Variants in PCDH15 observed in about 807,000 individuals in gnomAD.
PCDH15 encodes protocadherin-15.
Under a neutral mutation model 178.5 loss-of-function variants are expected in PCDH15, and 129 were observed. The ratio of observed to expected loss-of-function variants is 0.72; its 90% CI spans 0.63 to 0.84. The LOEUF is 0.84. Among genes scored for constraint, PCDH15 ranks in the 40% least tolerant of loss-of-function variants. The pLI, the probability that PCDH15 is intolerant of heterozygous loss-of-function variation, is 0.00. For synonymous variants in PCDH15, 800 were observed against 732.0 expected (o/e 1.09, Z -1.50); for missense variants, 2,230 against 2,099.9 (o/e 1.06, Z -1.21).
intron 1 of PCDH15, among the ~76,000 whole-genome samples, chr10:55,185,932 C>T (rs183029100): frequency 2.8e-4 from 42 of 151,572 alleles, no homozygotes; most frequent in East Asian, 2.1e-3. Flanking sequence ...GAAATAGTTA[C>T]GCATTTCAAT....
intron 2 of PCDH15, among the ~76,000 whole-genome samples, chr10:54,583,606 T>G (rs2091227800): frequency 6.6e-6 from 1 of 152,032 alleles, no homozygotes; most frequent in Non-Finnish European, 1.5e-5. Flanking sequence ...ACATAGAAAT[T>G]CTAACATACA....
intron 10 of PCDH15, among the ~76,000 whole-genome samples, chr10:54,205,677 G>A (rs1467342183): frequency 6.6e-6 from 1 of 151,880 alleles, no homozygotes; most frequent in Non-Finnish European, 1.5e-5. Flanking sequence ...ATATCCCATT[G>A]ATTCTTGACC....
At chr10:55,250,447 A>T (rs1841804635) in intron 1 of PCDH15, among the ~76,000 whole-genome samples, 1 of 151,300 alleles carries the variant, frequency 6.6e-6, no homozygotes, top group Non-Finnish European at 1.5e-5. Flanking sequence ...GCACCCAATC[A>T]TAATAATATT....
chr10:54,671,299 T>A (rs2094665109), intron 1 of PCDH15, among the ~76,000 whole-genome samples: 1 of 152,114 alleles, frequency 6.6e-6, no homozygotes, highest in Non-Finnish European at 1.5e-5. Flanking sequence ...ATATTATAGA[T>A]TCTAAGAAAC....
At chr10:54,553,399 GTTTTA>G (rs2086829786) in intron 2 of PCDH15, among the ~76,000 whole-genome samples, 2 of 152,168 alleles carry the variant, frequency 1.3e-5, no homozygotes, top group Non-Finnish European at 1.5e-5. Flanking sequence ...CCAAATGTTA[GTTTTA>G]TTTTGTCTAA....
chr10:54,770,767 G>GT (rs1566189017), intron 1 of PCDH15, among the ~76,000 whole-genome samples: 1 of 151,934 alleles, frequency 6.6e-6, no homozygotes, highest in African/African-American at 2.4e-5. Flanking sequence ...ATTAAATGAA[G>GT]TTACTTAATC....
intron 32 of PCDH15, among the ~76,000 whole-genome samples, chr10:53,826,921 T>TA (rs2076718746): frequency 6.6e-6 from 1 of 152,132 alleles, no homozygotes; most frequent in African/African-American, 2.4e-5. Flanking sequence ...ACTACGATTT[T>TA]AAACCAGAGA....
intron 1 of PCDH15, among the ~76,000 whole-genome samples, chr10:54,742,072 C>T (rs948635782): frequency 2.0e-4 from 30 of 152,014 alleles, no homozygotes; most frequent in African/African-American, 7.2e-4. Flanking sequence ...TAACTTTTGT[C>T]AGAATCTATG....
intron 2 of PCDH15, among the ~76,000 whole-genome samples, chr10:55,013,096 T>A (rs1840086067): frequency 6.6e-6 from 1 of 152,130 alleles, no homozygotes; most frequent in Admixed American, 6.6e-5. Flanking sequence ...TCATATTTGA[T>A]AACTTCCACT....
intron 5 of PCDH15, among the ~76,000 whole-genome samples, chr10:54,368,518 C>G (rs543562665): frequency 6.6e-6 from 1 of 152,024 alleles, no homozygotes; most frequent in African/African-American, 2.4e-5. Flanking sequence ...TGGTTCTTCA[C>G]TTATGCACTT....
chr10:55,492,938 A>G (rs1023588598), intron 2 of PCDH15, among the ~76,000 whole-genome samples: 1 of 151,810 alleles, frequency 6.6e-6, no homozygotes, highest in Non-Finnish European at 1.5e-5. Flanking sequence ...AAAATTCACT[A>G]GATGTTGTTA....
At chr10:55,380,593 G>A (rs534944809) in intron 2 of PCDH15, among the ~76,000 whole-genome samples, 56 of 152,212 alleles carry the variant, frequency 3.7e-4, no homozygotes, top group South Asian at 8.3e-4. Context: ...CAAAAGCTGA[G>A]ATTTTTCTAG....
chr10:53,958,185 C>T (rs1184329678), intron 23 of PCDH15, among the ~76,000 whole-genome samples: 2 of 152,136 alleles, frequency 1.3e-5, no homozygotes, highest in East Asian at 1.9e-4. Flanking sequence ...TCAAGTTCTC[C>T]ATTACCTGAA....
intron 21 of PCDH15, among the ~76,000 whole-genome samples, chr10:53,969,503 G>C (rs1345330359): frequency 6.6e-6 from 1 of 152,206 alleles, no homozygotes; most frequent in African/African-American, 2.4e-5. Flanking sequence ...AGGAAATACA[G>C]AGAACGCCAC....
At chr10:54,936,716 GT>G (rs113034733) in intron 2 of PCDH15, among the ~76,000 whole-genome samples, 20,073 of 140,204 alleles carry the variant, frequency 0.14, 1,530 homozygotes, top group East Asian at 0.25. Flanking sequence ...CATTTTTATT[GT>G]TTTTTTTTTT....
chr10:55,391,877 A>G (rs1036072010), intron 2 of PCDH15, among the ~76,000 whole-genome samples: 2 of 152,204 alleles, frequency 1.3e-5, no homozygotes, highest in Non-Finnish European at 1.5e-5. Context: ...CTTTCAGCCT[A>G]TCTTGGCTTT....
chr10:54,501,873 A>G (rs2080726501), intron 3 of PCDH15, among the ~76,000 whole-genome samples: 1 of 152,122 alleles, frequency 6.6e-6, no homozygotes, highest in Admixed American at 6.6e-5. Flanking sequence ...CCCAAGGGTA[A>G]GAAAATACTT....
At chr10:54,036,014 C>A (rs560412680) in intron 18 of PCDH15, among the ~76,000 whole-genome samples, 1 of 151,940 alleles carries the variant, frequency 6.6e-6, no homozygotes, top group South Asian at 2.1e-4. Flanking sequence ...TGGAGCAAGA[C>A]CTTAACTCTC....
At chr10:55,227,186 A>C (rs1296377583) in intron 1 of PCDH15, among the ~76,000 whole-genome samples, 1 of 152,230 alleles carries the variant, frequency 6.6e-6, no homozygotes, top group South Asian at 2.1e-4. Context: ...GAGAGATGAA[A>C]GAGGTCAGAA....
Sources: gnomAD v4.1 joint callset for allele counts (sites outside exome capture counted in the v4.1 genomes callset) on GRCh38, gnomAD v4.1.1 for gene constraint, MANE v1.5 for transcripts, NCBI Gene and HGNC (gene_info 2026-07-23, HGNC 2026-07-21) for gene names.